The following ROBO2 variants were observed in gnomAD, a reference collection of about 807,000 sequenced individuals.
ROBO2 encodes the protein roundabout homolog 2.
ROBO2 carries 53 observed loss-of-function variants against 160.8 expected under a neutral mutation model. The ratio of observed to expected loss-of-function variants is 0.33; its 90% confidence interval spans 0.26 to 0.41. The LOEUF is 0.41. Ranked by LOEUF, ROBO2 falls within the 10% of genes least tolerant of loss-of-function variation. ROBO2 has a pLI of 1.00. For missense variants in ROBO2, 1,577 were observed against 1,722.4 expected (o/e 0.92, Z 1.49); for synonymous variants, 664 against 611.7 (o/e 1.09, Z -1.26).
At chr3:77,484,508 AAC>A (rs60959193) in intron 4 of ROBO2, among the ~76,000 whole-genome samples, 27,823 of 146,580 alleles carry the variant, frequency 0.19, 2,617 homozygotes, top group South Asian at 0.28. Context: ...CCCCAACACA[AAC>A]ACACACACAC....
At chr3:77,141,162 C>A (rs2076669424) in intron 2 of ROBO2, among the ~76,000 whole-genome samples, 2 of 152,112 alleles carry the variant, frequency 1.3e-5, no homozygotes, top group Non-Finnish European at 2.9e-5. Flanking sequence ...ATATTTATCC[C>A]AGATTCTTGA....
chr3:76,057,702 G>C (rs9866400), intron 2 of ROBO2, among the ~76,000 whole-genome samples: 16,523 of 151,696 alleles, frequency 0.11, 1,066 homozygotes, highest in Non-Finnish European at 0.14. Flanking sequence ...AACAAGACCA[G>C]ATTTTTTTTT....
chr3:76,993,594 A>T (rs1034470530), intron 2 of ROBO2, among the ~76,000 whole-genome samples: 27 of 152,272 alleles, frequency 1.8e-4, no homozygotes, highest in African/African-American at 6.3e-4. Context: ...TCAGTCACTC[A>T]TAGGTAAGTG....
intron 2 of ROBO2, among the ~76,000 whole-genome samples, chr3:77,364,736 T>G (rs1352437946): frequency 6.6e-5 from 10 of 152,158 alleles, no homozygotes; most frequent in African/African-American, 2.2e-4. Context: ...AGATAATACT[T>G]TTAACTTCTA....
At chr3:77,455,652 G>A (rs924885944) in intron 2 of ROBO2, among the ~76,000 whole-genome samples, 18 of 151,708 alleles carry the variant, frequency 1.2e-4, no homozygotes, top group African/African-American at 1.7e-4. Context: ...GGATGGTCTC[G>A]ATCTCCTGAC....
intron 13 of ROBO2, among the ~76,000 whole-genome samples, chr3:77,571,236 T>C (rs1192378608): frequency 1.3e-5 from 2 of 151,944 alleles, no homozygotes; most frequent in Admixed American, 6.6e-5. Flanking sequence ...TCAAAGAAAA[T>C]TCACTTTGAA....
chr3:77,564,735 T>C (rs2093429928), intron 11 of ROBO2: 1 of 622,078 alleles, frequency 1.6e-6, no homozygotes, highest in Admixed American at 2.3e-5. Context: ...CTGAGTTTAA[T>C]TTTGTTGTGC....
intron 2 of ROBO2, among the ~76,000 whole-genome samples, chr3:76,809,251 G>A (rs1045102866): frequency 6.6e-6 from 1 of 152,040 alleles, no homozygotes; most frequent in African/African-American, 2.4e-5. Flanking sequence ...TCTTCTTCAA[G>A]CTCCCTCAGG....
intron 2 of ROBO2, among the ~76,000 whole-genome samples, chr3:77,118,976 T>C (rs903539139): frequency 3.3e-5 from 5 of 152,150 alleles, no homozygotes; most frequent in African/African-American, 1.2e-4. Context: ...GTTGTCCACT[T>C]GGGGAGTAAG....
chr3:77,479,572 G>A (rs1012628905), intron 3 of ROBO2, among the ~76,000 whole-genome samples: 15 of 151,986 alleles, frequency 9.9e-5, no homozygotes, highest in Admixed American at 9.8e-4. Flanking sequence ...CGTTTTCTGA[G>A]CCCCAACACC....
At chr3:77,517,924 C>T (rs564767425) in intron 5 of ROBO2, among the ~76,000 whole-genome samples, 1 of 151,556 alleles carries the variant, frequency 6.6e-6, no homozygotes, top group South Asian at 2.1e-4. Flanking sequence ...TGGCTTCAGG[C>T]ATCTACTAAG....
intron 2 of ROBO2, among the ~76,000 whole-genome samples, chr3:76,425,510 GTGTGTGTGTGTGTGTC>G (rs1464545936): frequency 3.7e-5 from 5 of 134,854 alleles, no homozygotes; most frequent in Non-Finnish European, 6.3e-5. Flanking sequence ...GTGTGTGTGT[GTGTGTGTGTGTGTGTC>G]TGTGTGTGTG....
chr3:76,427,356 A>C (rs138182094), intron 2 of ROBO2, among the ~76,000 whole-genome samples: 15 of 152,210 alleles, frequency 9.9e-5, no homozygotes, highest in African/African-American at 3.4e-4. Context: ...AAAATGATAG[A>C]TATGATCTGG....
At chr3:76,572,853 C>T (rs373998310) in intron 2 of ROBO2, among the ~76,000 whole-genome samples, 6 of 152,124 alleles carry the variant, frequency 3.9e-5, no homozygotes, top group Non-Finnish European at 8.8e-5. Context: ...ATCATAGTCC[C>T]GGGACACACT....
intron 2 of ROBO2, among the ~76,000 whole-genome samples, chr3:76,985,492 G>A (rs1179790589): frequency 1.5e-5 from 2 of 135,330 alleles, no homozygotes; most frequent in Admixed American, 8.3e-5. Context: ...TGAGGCAGGA[G>A]AATGGTGGGA....
At chr3:76,008,844 A>T (rs1264161554) in intron 2 of ROBO2, among the ~76,000 whole-genome samples, 1 of 152,186 alleles carries the variant, frequency 6.6e-6, no homozygotes, top group Admixed American at 6.5e-5. Context: ...ATTTTACATG[A>T]CATGTGGACC....
At chr3:76,109,722 A>G (rs1046438208) in intron 2 of ROBO2, among the ~76,000 whole-genome samples, 3 of 151,872 alleles carry the variant, frequency 2.0e-5, no homozygotes, top group African/African-American at 7.3e-5. Flanking sequence ...TCACATGGCT[A>G]TATTGCGAAG....
At chr3:76,028,409 C>A (rs1576543909) in intron 2 of ROBO2, among the ~76,000 whole-genome samples, 2 of 151,700 alleles carry the variant, frequency 1.3e-5, no homozygotes, top group African/African-American at 2.4e-5. Flanking sequence ...TATTAAGCTT[C>A]TAAGTGAGGT....
intron 2 of ROBO2, among the ~76,000 whole-genome samples, chr3:77,355,470 G>C (rs9848198): frequency 0.35 from 53,681 of 151,914 alleles, 9,894 homozygotes; most frequent in Non-Finnish European, 0.39. Context: ...AATTGTGGGA[G>C]TGGGGTTGTG....
Sources: gnomAD v4.1 joint callset for allele counts (sites outside exome capture counted in the v4.1 genomes callset) on GRCh38, gnomAD v4.1.1 for gene constraint, MANE v1.5 for transcripts, NCBI Gene and HGNC (gene_info 2026-07-23, HGNC 2026-07-21) for gene names.